The following DUSP12 variants were observed in gnomAD, a reference collection of about 807,000 sequenced individuals.
The protein encoded by DUSP12 is dual specificity protein phosphatase 12.
A neutral mutation model predicts 38.9 loss-of-function variants in DUSP12; 25 were observed. The observed-to-expected ratio is 0.64, with a 90% CI of 0.47 to 0.90. DUSP12 has a LOEUF of 0.90. DUSP12 is among the 40% of genes least tolerant of loss of function. DUSP12 has a pLI of 0.00. For synonymous variants in DUSP12, 153 were observed against 153.9 expected (o/e 0.99, Z 0.05); for missense variants, 403 against 427.0 (o/e 0.94, Z 0.50).
intron 5 of DUSP12, among the ~76,000 whole-genome samples, chr1:161,754,447 C>T (rs910597561): frequency 3.9e-5 from 6 of 152,054 alleles, no homozygotes; most frequent in Admixed American, 6.5e-5. Flanking sequence ...TTGCAACCAT[C>T]GTGTATTAGT....
chr1:161,755,114 G>A (rs1265757461), intron 5 of DUSP12, among the ~76,000 whole-genome samples: 1 of 152,210 alleles, frequency 6.6e-6, no homozygotes, highest in Non-Finnish European at 1.5e-5. Flanking sequence ...ACAGGCGTGA[G>A]CCACCATGCC....
intron 5 of DUSP12, 58 bp downstream of exon 5, chr1:161,753,319 T>A (rs1684057075): frequency 7.2e-6 from 10 of 1,393,486 alleles, no homozygotes; most frequent in Non-Finnish European, 9.5e-6. Context: ...TTATTCCTTC[T>A]TGCATTTTAA....
intron 3 of DUSP12, 130 bp downstream of exon 3, chr1:161,752,114 A>G (rs1460609141): frequency 1.3e-6 from 1 of 766,380 alleles, no homozygotes; most frequent in African/African-American, 1.8e-5. Flanking sequence ...AGCCAGAAAT[A>G]ACCTATTCAA....
chr1:161,752,419 C>T lies in DUSP12; in HGVS notation c.629C>T (p.Ser210Leu). Residue 210 changes from serine (S) to leucine (L), a missense_variant, in exon 4 of 6, where the codon TCA becomes TTA. Transcript: ENST00000367943. ...ELFAVDPTTV[S>L]QGLKDEVLYK... is the part of the protein sequence containing the mutation. The stretch of plus-strand genomic sequence containing the variant: ...TTTGCTGTTGACCCAACTACCGTTT[C>T]ACAAGGATTGAAAGATGAGGTTCTC... 1 of 1,613,076 alleles carries T rather than the reference C, an allele frequency of 6.2e-7. No individual in the cohort carries two copies. The highest frequency in any genetic ancestry group is 8.5e-7 in the Non-Finnish European group (1 of 1,179,294).
intron 3 of DUSP12, 49 bp downstream of exon 3, chr1:161,752,033 T>C: frequency 8.0e-7 from 1 of 1,248,482 alleles, no homozygotes. Flanking sequence ...TGACATTTAC[T>C]TTAGCATTGT....
At chr1:161,753,445 T>G in intron 5 of DUSP12, 184 bp downstream of exon 5, 6 of 415,392 alleles carry the variant, frequency 1.4e-5, no homozygotes, top group Non-Finnish European at 2.0e-5. Context: ...AACCAGCTGA[T>G]CCAACATAGT....
At position 161,749,844 on chromosome 1, in the gene DUSP12, A is replaced by C; in HGVS notation, c.43A>C (p.Asn15His). ...CCCGAGTGATGGCTGCGAGCTCAGC[A>C]ACCCCAGCGCCAGCAGAGTCAGCTG... ...PGPSDGCELS[N>H]PSASRVSCAG... Residue 15 changes from asparagine (N) to histidine (H), a missense_variant, in exon 1 of 6, where the codon AAC becomes CAC. Transcript: ENST00000367943. 1 of 1,602,016 alleles carries C rather than the reference A, an allele frequency of 6.2e-7. No individual in the cohort carries two copies. Among genetic ancestry groups the C allele is most frequent in the East Asian group, 2.3e-5 (1 of 44,126 alleles).
chr1:161,756,656 C>T (rs1369785917), intron 5 of DUSP12, 130 bp from the exon 6 acceptor site: 3 of 979,046 alleles, frequency 3.1e-6, no homozygotes, highest in Non-Finnish European at 4.5e-6. Flanking sequence ...TGCATTTTAT[C>T]TCACTGATTA....
At chr1:161,750,353 T>C (rs1475278314) in intron 1 of DUSP12, among the ~76,000 whole-genome samples, 1 of 152,212 alleles carries the variant, frequency 6.6e-6, no homozygotes, top group Non-Finnish European at 1.5e-5. Flanking sequence ...TCATTCATGC[T>C]TTAGTTGGTT....
At chr1:161,750,997 T>G (rs544780139) in intron 1 of DUSP12, 2 of 152,340 alleles carry the variant, frequency 1.3e-5, no homozygotes, top group South Asian at 4.1e-4. Context: ...TCGTTTAAAT[T>G]TATTGAGCAC....
At chr1:161,750,207 C>G (rs1028318734) in intron 1 of DUSP12, 62 bp downstream of exon 1, 3 of 1,549,808 alleles carry the variant, frequency 1.9e-6, no homozygotes, top group African/African-American at 2.8e-5. Flanking sequence ...CCCGTCGCCC[C>G]TTACCTTCCG....
chr1:161,751,722 T>C lies in DUSP12; in HGVS notation c.399T>C (p.Thr133=), dbSNP rs1185930704. The part of the protein sequence containing the change: ...VAIITAFLMK[T]DQLPFEKAYE... ...TAATAACTGCTTTTCTCATGAAGAC[T>C]GACCAACTTCCCTTTGAAAAAGCCT... Residue 133 remains threonine (T), a synonymous_variant, in exon 2 of 6, where the codon ACT becomes ACC. Coordinates refer to ENST00000367943, the MANE Select transcript of DUSP12 (RefSeq NM_007240.3). 6.2e-7 allele frequency: 1 copy of C among 1,613,774 alleles called. No homozygotes were observed. The highest frequency in any genetic ancestry group is 8.5e-7 in the Non-Finnish European group (1 of 1,179,878).
At chr1:161,756,012 T>G (rs1684101051) in intron 5 of DUSP12, among the ~76,000 whole-genome samples, 1 of 152,096 alleles carries the variant, frequency 6.6e-6, no homozygotes, top group Non-Finnish European at 1.5e-5. Context: ...TCCGCCACCA[T>G]GCCCAACTAA....
rs764928407 is a variant in DUSP12, at chr1:161,753,076, C to A, written c.676C>A (p.Arg226=). The A allele has an allele frequency of 2.4e-5, 38 of 1,597,590 alleles. No homozygotes were observed. Among genetic ancestry groups the A allele is most frequent in the Non-Finnish European group, 3.1e-5 (36 of 1,171,530 alleles). Reference sequence around the variant, plus strand: ...CTTTTGTTTGTTTGGGGGTTGCAGGCGATCATTATTTCGAAGTTCTAGTAT... The same window carrying A: ...CTTTTGTTTGTTTGGGGGTTGCAGGAGATCATTATTTCGAAGTTCTAGTAT... ...EVLYKCRKCR[R]SLFRSSSILD... The change falls in exon 5 of 6, where the codon CGA becomes AGA. Residue 226 remains arginine (R), a splice_region_variant and synonymous_variant. Transcript: ENST00000367943.
Position 161,750,126 on chromosome 1 carries a change from C to A in DUSP12, c.325C>A (p.Arg109Ser). 2.5e-6 allele frequency: 4 copies of A among 1,613,472 alleles called. No homozygotes were observed. The highest frequency in any genetic ancestry group is 3.4e-6 in the Non-Finnish European group (4 of 1,179,856). The stretch of plus-strand genomic sequence containing the variant: ...CATCGGTCAGGCCCGCGCTGAGGGC[C>A]GTGCGGTGTTGGTGCACTGGTGAGT... The part of the protein sequence containing the change: ...AFIGQARAEG[R>S]AVLVHCHAGV... Residue 109 changes from arginine (R) to serine (S), a missense_variant, in exon 1 of 6, where the codon CGT (arginine) becomes AGT (serine). By Grantham distance (110) the Arg-to-Ser change is moderately radical (BLOSUM62 -1). Coordinates refer to ENST00000367943, the MANE Select transcript of DUSP12 (RefSeq NM_007240.3).
intron 1 of DUSP12, 60 bp downstream of exon 1, chr1:161,750,205 C>G: frequency 5.2e-6 from 8 of 1,549,788 alleles, no homozygotes; most frequent in Non-Finnish European, 7.0e-6. Flanking sequence ...CCCCCGTCGC[C>G]CCTTACCTTC....
chr1:161,755,983 G>A (rs888073325), intron 5 of DUSP12, among the ~76,000 whole-genome samples: 1 of 152,102 alleles, frequency 6.6e-6, no homozygotes, highest in Non-Finnish European at 1.5e-5. Flanking sequence ...AGCCTCCCAG[G>A]TAGCTGTGAT....
At chr1:161,756,035 T>C (rs1212161182) in intron 5 of DUSP12, among the ~76,000 whole-genome samples, 2 of 152,154 alleles carry the variant, frequency 1.3e-5, no homozygotes, top group Non-Finnish European at 2.9e-5. Flanking sequence ...TTTGTGTTTT[T>C]AGTAGAGACG....
At chr1:161,750,219 G>T in intron 1 of DUSP12, 74 bp downstream of exon 1, 1 of 1,506,250 alleles carries the variant, frequency 6.6e-7, no homozygotes, top group Non-Finnish European at 9.0e-7. Context: ...TACCTTCCGA[G>T]GCCGTCGGGA....
Sources: allele counts gnomAD v4.1 joint callset (sites outside exome capture counted in the v4.1 genomes callset), GRCh38; gene constraint gnomAD v4.1.1; transcripts MANE v1.5; gene names NCBI Gene and HGNC (gene_info 2026-07-23, HGNC 2026-07-21).